The following ACVR1 variants were observed in gnomAD, a reference collection of about 807,000 sequenced individuals.
ACVR1 encodes activin A receptor type 1, also known as activin receptor type-1.
In ACVR1, 38 loss-of-function variants were observed where a neutral mutation model predicts 57.1. That is an observed-to-expected ratio of 0.67 (90% CI 0.51 to 0.87). The LOEUF (loss-of-function observed/expected upper bound fraction) is 0.87. Among genes scored for constraint, ACVR1 ranks in the 40% least tolerant of loss-of-function variants. The pLI is 0.00. For synonymous variants in ACVR1, 212 were observed against 228.1 expected (o/e 0.93, Z 0.63); for missense variants, 463 against 638.2 (o/e 0.73, Z 2.96).
intron 3 of ACVR1, among the ~76,000 whole-genome samples, chr2:157,792,367 A>G (rs9288696): frequency 0.99 from 150,091 of 152,336 alleles, 73,972 homozygotes; most frequent in Middle Eastern, 1. Context: ...GAATCAGGCC[A>G]CAGCTGCTCC....
intron 1 of ACVR1, among the ~76,000 whole-genome samples, chr2:157,823,322 AT>A (rs1243373315): frequency 6.6e-6 from 1 of 152,208 alleles, no homozygotes; most frequent in African/African-American, 2.4e-5. Flanking sequence ...TTTTCTAGGG[AT>A]TTGGAAAAAC....
At chr2:157,829,650 C>T (rs1352607304) in intron 1 of ACVR1, among the ~76,000 whole-genome samples, 1 of 152,174 alleles carries the variant, frequency 6.6e-6, no homozygotes, top group Non-Finnish European at 1.5e-5. Flanking sequence ...TCACCTTCTG[C>T]CTTTGCACTT....
chr2:157,869,512 T>TA (rs1690048139), intron 1 of ACVR1, among the ~76,000 whole-genome samples: 1 of 152,238 alleles, frequency 6.6e-6, no homozygotes, highest in Non-Finnish European at 1.5e-5. Context: ...GAATATTAAT[T>TA]AAAAAGCATT....
At chr2:157,858,786 T>A (rs1321638817) in intron 1 of ACVR1, among the ~76,000 whole-genome samples, 2 of 151,978 alleles carry the variant, frequency 1.3e-5, no homozygotes, top group Non-Finnish European at 2.9e-5. Flanking sequence ...CCTGGCCTAT[T>A]TTTAATTTTT....
intron 9 of ACVR1, among the ~76,000 whole-genome samples, chr2:157,749,705 CA>C (rs1390162482): frequency 1.3e-5 from 2 of 152,354 alleles, no homozygotes; most frequent in African/African-American, 2.4e-5. Flanking sequence ...CAGGCACGAT[CA>C]GGGGGCTCTG....
intron 1 of ACVR1, among the ~76,000 whole-genome samples, chr2:157,829,388 C>G (rs2105342535): frequency 6.6e-6 from 1 of 152,340 alleles, no homozygotes; most frequent in South Asian, 2.1e-4. Context: ...ACCTCTCCCA[C>G]CAGCAGTGGC....
chr2:157,865,821 A>AAGAC (rs1689903449), intron 1 of ACVR1, among the ~76,000 whole-genome samples: 1 of 137,000 alleles, frequency 7.3e-6, no homozygotes, highest in South Asian at 2.4e-4. Context: ...AAAAAGAAAA[A>AAGAC]AGATAGATAG....
chr2:157,816,329 A>G (rs1188474118), intron 2 of ACVR1, among the ~76,000 whole-genome samples: 1 of 152,042 alleles, frequency 6.6e-6, no homozygotes, highest in African/African-American at 2.4e-5. Context: ...TTTTACATAA[A>G]ATATAAAGCT....
intron 7 of ACVR1, 61 bp downstream of exon 7, chr2:157,770,307 C>T: frequency 6.3e-7 from 1 of 1,589,180 alleles, no homozygotes; most frequent in Non-Finnish European, 8.6e-7. Flanking sequence ...ACGGAGAGAG[C>T]AAAGGCAGAC....
chr2:157,788,607 A>C (rs1441132), intron 3 of ACVR1, among the ~76,000 whole-genome samples: 101,650 of 152,024 alleles, frequency 0.67, 37,953 homozygotes, highest in East Asian at 0.91. Flanking sequence ...TATTGTTGTT[A>C]ATCTCTTCCT....
At chr2:157,858,640 C>G (rs1030290415) in intron 1 of ACVR1, among the ~76,000 whole-genome samples, 1 of 151,840 alleles carries the variant, frequency 6.6e-6, no homozygotes, top group African/African-American at 2.4e-5. Flanking sequence ...ATAACCATTA[C>G]GCCCTGCTAA....
At chr2:157,757,683 G>A (rs1431772004) in intron 9 of ACVR1, among the ~76,000 whole-genome samples, 1 of 151,706 alleles carries the variant, frequency 6.6e-6, no homozygotes, top group Non-Finnish European at 1.5e-5. Flanking sequence ...GGAAAAATAA[G>A]GTATTTCCCA....
chr2:157,816,343 G>C (rs1373488712), intron 2 of ACVR1, among the ~76,000 whole-genome samples: 10 of 151,902 alleles, frequency 6.6e-5, no homozygotes, highest in Admixed American at 2.6e-4. Context: ...TAAAGCTATG[G>C]GGGGCTAAGG....
chr2:157,838,056 T>G (rs1370004148), intron 1 of ACVR1, among the ~76,000 whole-genome samples: 2 of 152,010 alleles, frequency 1.3e-5, no homozygotes, highest in Non-Finnish European at 2.9e-5. Flanking sequence ...AACCAGCCAG[T>G]CTGACTCTGT....
chr2:157,852,888 G>A (rs751401097), intron 1 of ACVR1, among the ~76,000 whole-genome samples: 33 of 152,096 alleles, frequency 2.2e-4, no homozygotes, highest in Non-Finnish European at 3.8e-4. Flanking sequence ...CCTGCTGACC[G>A]GAAAACAATG....
At chr2:157,824,850 T>A (rs1217416412) in intron 1 of ACVR1, among the ~76,000 whole-genome samples, 1 of 151,954 alleles carries the variant, frequency 6.6e-6, no homozygotes, top group Non-Finnish European at 1.5e-5. Context: ...ACCTCCCAGG[T>A]TCAAGTGACT....
At chr2:157,782,421 T>C (rs570532319) in intron 3 of ACVR1, among the ~76,000 whole-genome samples, 1 of 152,364 alleles carries the variant, frequency 6.6e-6, no homozygotes, top group African/African-American at 2.4e-5. Flanking sequence ...TCAAACATTC[T>C]TAATGAGCAA....
In ACVR1 at chr2:157,738,556, A is replaced by C; in HGVS notation, c.1279T>G (p.Tyr427Asp). ...ACCACATCGTAGAACGGTGGCTTGT[A>C]ATCCTCCACTATACCTGCACACAAG... is the stretch of plus-strand genomic sequence containing the variant. ...RMVSNGIVED[Y>D]KPPFYDVVPN... The change falls in exon 10 of 11, where the codon TAC becomes GAC. Residue 427 changes from tyrosine to aspartate, a missense_variant. By Grantham distance (160) the Tyr-to-Asp change is radical. This residue lies in a region of ACVR1 where 146 missense variants were observed against 186.6 expected (regional missense o/e 0.78). Coordinates refer to ENST00000434821, the MANE Select transcript of ACVR1 (RefSeq NM_001111067.4). 2.5e-6 allele frequency: 4 copies of C among 1,614,102 alleles called. No homozygotes were observed. The highest frequency in any genetic ancestry group is 3.4e-6 in the Non-Finnish European group (4 of 1,179,954).
At position 157,760,994 on chromosome 2, in the gene ACVR1, G is replaced by T; in HGVS notation, c.1150C>A (p.Pro384Thr). 6.2e-7 allele frequency: 1 copy of T among 1,614,116 alleles called. No individual in the cohort carries two copies. The highest frequency in any genetic ancestry group is 1.1e-5 in the South Asian group (1 of 91,080). ...TGGATGGTTTCATCTAGAACTTCGG[G>T]GGCCATGTAGCGCTTGGTGCCCACA... The part of the protein sequence containing the change: ...PRVGTKRYMA[P>T]EVLDETIQVD... Residue 384 changes from proline (P) to threonine (T), a missense_variant, in exon 9 of 11, where the codon CCC (proline) becomes ACC (threonine). By Grantham distance (38) the Pro-to-Thr change is conservative. Around this residue, in one of 3 missense-constraint regions of ACVR1, gnomAD observed 146 missense variants for 186.6 expected, o/e 0.78. Transcript: ENST00000434821.
Sources: gnomAD v4.1 joint callset for allele counts (sites outside exome capture counted in the v4.1 genomes callset) on GRCh38, gnomAD v4.1.1 for gene constraint, gnomAD v4.1.1 regional missense constraint, MANE v1.5 for transcripts, NCBI Gene and HGNC (gene_info 2026-07-23, HGNC 2026-07-21) for gene names.